The following PIBF1 variants were observed in gnomAD, a reference collection of about 807,000 sequenced individuals.
The protein encoded by PIBF1 is progesterone immunomodulatory binding factor 1.
Under a neutral mutation model 112.5 loss-of-function variants are expected in PIBF1, and 90 were observed. The observed-to-expected ratio is 0.80, with a 90% CI of 0.67 to 0.95. The LOEUF is 0.95. Ranked by LOEUF, PIBF1 falls within the 40% of genes least tolerant of loss-of-function variation. The pLI is 0.00. For missense variants in PIBF1, 915 were observed against 852.3 expected, an observed-to-expected ratio of 1.07 and a Z score of -0.92; for synonymous variants, 301 against 288.6, an observed-to-expected ratio of 1.04 and a Z score of -0.44.
chr13:72,784,289 A>ATAAT (rs1225318541), intron 2 of PIBF1, among the ~76,000 whole-genome samples: 9 of 150,848 alleles, frequency 6.0e-5, no homozygotes, highest in African/African-American at 2.2e-4. Context: ...AAAAAAAAAA[A>ATAAT]AAAAAAATTA....
intron 9 of PIBF1, among the ~76,000 whole-genome samples, chr13:72,839,201 C>A (rs968990333): frequency 6.6e-6 from 1 of 152,046 alleles, no homozygotes; most frequent in African/African-American, 2.4e-5. Flanking sequence ...GATAATGGAA[C>A]TGGATTAGTA....
intron 14 of PIBF1, among the ~76,000 whole-genome samples, chr13:72,942,631 TAGAAG>T (rs1247170625): frequency 3.9e-5 from 6 of 152,202 alleles, no homozygotes; most frequent in African/African-American, 1.4e-4. Context: ...GCTATTTTCA[TAGAAG>T]AGATTAAAAA....
chr13:73,005,090 A>T lies in PIBF1; in HGVS notation c.2223+6095A>T, dbSNP rs7989257. Reference sequence around the variant, plus strand: ...ATCCCGAGGCTGAGGCAGGAGAATCACTTGAACCTGGGAGGGGGAGGTTGT... The same window carrying T: ...ATCCCGAGGCTGAGGCAGGAGAATCTCTTGAACCTGGGAGGGGGAGGTTGT... On this transcript the variant is annotated intron_variant, in intron 17 of 17. Transcript: ENST00000326291. Among the ~76,000 whole-genome samples the T allele has an allele frequency of 1.2e-4, 18 of 152,210 alleles. No homozygotes were observed. In the East Asian group the frequency reaches 3.5e-3, roughly 29 times the overall value.
intron 9 of PIBF1, among the ~76,000 whole-genome samples, chr13:72,844,266 T>A (rs1301585613): frequency 6.6e-6 from 1 of 152,220 alleles, no homozygotes; most frequent in African/African-American, 2.4e-5. Context: ...AACTGGTCAG[T>A]GCTATGTAAA....
At chr13:72,910,227 T>C (rs2040848466) in intron 12 of PIBF1, among the ~76,000 whole-genome samples, 1 of 152,198 alleles carries the variant, frequency 6.6e-6, no homozygotes, top group Non-Finnish European at 1.5e-5. Context: ...ATTTCTTCAC[T>C]GGAGTCAAAG....
intron 10 of PIBF1, among the ~76,000 whole-genome samples, chr13:72,883,947 C>A (rs182333329): frequency 7.2e-5 from 11 of 152,224 alleles, no homozygotes; most frequent in Admixed American, 6.5e-5. Context: ...TACACACATA[C>A]ATACATACAT....
intron 13 of PIBF1, among the ~76,000 whole-genome samples, chr13:72,921,848 T>C (rs1351850141): frequency 6.6e-6 from 1 of 151,804 alleles, no homozygotes; most frequent in African/African-American, 2.4e-5. Context: ...TAGTTAATTT[T>C]AGAGGAAAAG....
intron 17 of PIBF1, among the ~76,000 whole-genome samples, chr13:73,004,292 AC>A (rs2043961891): frequency 6.6e-6 from 1 of 152,058 alleles, no homozygotes; most frequent in Non-Finnish European, 1.5e-5. Flanking sequence ...GGAGTTTGAG[AC>A]CATCCTGGCC....
chr13:73,002,200 A>C (rs2043892429), intron 17 of PIBF1, among the ~76,000 whole-genome samples: 1 of 152,202 alleles, frequency 6.6e-6, no homozygotes, highest in Non-Finnish European at 1.5e-5. Context: ...GAAGAGAAAA[A>C]AAGGAGTTAT....
chr13:72,914,541 A>G (rs2041015600), intron 12 of PIBF1, among the ~76,000 whole-genome samples: 1 of 152,076 alleles, frequency 6.6e-6, no homozygotes, highest in Non-Finnish European at 1.5e-5. Context: ...TAACTTCTGG[A>G]TAATCTTTTC....
chr13:73,008,863 C>G (rs2044115522), intron 17 of PIBF1, among the ~76,000 whole-genome samples: 1 of 152,166 alleles, frequency 6.6e-6, no homozygotes, highest in Admixed American at 6.5e-5. Flanking sequence ...GCTGAAGATA[C>G]AACATGAGAT....
chr13:72,803,265 T>G (rs1260036336), intron 5 of PIBF1, among the ~76,000 whole-genome samples: 1 of 132,208 alleles, frequency 7.6e-6, no homozygotes, highest in African/African-American at 3.5e-5. Context: ...TTTTTTGTTT[T>G]TTGTTTTTTT....
chr13:72,809,723 G>A (rs557640693), intron 5 of PIBF1, among the ~76,000 whole-genome samples: 26 of 151,442 alleles, frequency 1.7e-4, no homozygotes, highest in Admixed American at 4.0e-4. Flanking sequence ...CCGAGTAGCC[G>A]GGAGTACAGG....
At position 72,813,977 on chromosome 13, in the gene PIBF1, T is replaced by A. The variant is rs995360110; in HGVS notation, c.673-7872T>A. Among the ~76,000 whole-genome samples, 10 of 152,264 alleles carry A rather than the reference T, an allele frequency of 6.6e-5. No individual in the cohort carries two copies. The South Asian group carries it at 2.1e-3, about 32-fold the overall frequency. On this transcript the variant is annotated intron_variant, in intron 5 of 17. Coordinates refer to ENST00000326291, the MANE Select transcript of PIBF1 (RefSeq NM_006346.4). ...CGGCCTATAAAAATCTATGGATTAC[T>A]CCCTTCACTCCTCACCCCAAATAAG...
intron 17 of PIBF1, among the ~76,000 whole-genome samples, chr13:73,013,731 C>CAAAA (rs113104076): frequency 1.0e-3 from 114 of 113,042 alleles, no homozygotes; most frequent in Non-Finnish European, 1.6e-3. Flanking sequence ...GAGCCTATCT[C>CAAAA]AAAAAAAAAA....
chr13:72,856,454 T>C lies in PIBF1; in HGVS notation c.1322+2299T>C, dbSNP rs186928628. Among the ~76,000 whole-genome samples the C allele has an allele frequency of 2.9e-3, 436 of 152,292 alleles. 1 individual carries two copies. The highest frequency in any genetic ancestry group is 4.8e-3 in the Non-Finnish European group (324 of 68,004). Reference sequence around the variant, plus strand: ...CCAATTTTCAGCCAACCTTAAATATTTGTGATAGTTTTAAAATCAAGACAA... The same window carrying C: ...CCAATTTTCAGCCAACCTTAAATATCTGTGATAGTTTTAAAATCAAGACAA... On this transcript the variant is annotated intron_variant, in intron 10 of 17. Transcript: ENST00000326291.
Position 72,899,114 on chromosome 13 carries a change from C to T in PIBF1, c.1488+5165C>T, listed in dbSNP as rs369365591. On this transcript the variant is annotated intron_variant, in intron 11 of 17. Transcript: ENST00000326291. ...CCCTAAAAAGACCAATAACAAGCAG[C>T]GAGATTGAAACGGTAATTTAAAAAT... 7.9e-5 allele frequency among the ~76,000 whole-genome samples: 12 copies of T among 151,960 alleles called. No individual in the cohort carries two copies. In the East Asian group the frequency reaches 1.4e-3, roughly 17 times the overall value.
intron 16 of PIBF1, among the ~76,000 whole-genome samples, chr13:72,993,099 C>G (rs773483995): frequency 6.6e-6 from 1 of 152,020 alleles, no homozygotes; most frequent in Non-Finnish European, 1.5e-5. Flanking sequence ...TTTGAGAGGC[C>G]AAGGCAAGTG....
At chr13:72,805,698 C>T (rs1319082776) in intron 5 of PIBF1, among the ~76,000 whole-genome samples, 3 of 152,128 alleles carry the variant, frequency 2.0e-5, no homozygotes, top group Non-Finnish European at 4.4e-5. Context: ...AAGGATGAAC[C>T]TGAAACTGCA....
Sources: gnomAD v4.1 joint callset for allele counts (sites outside exome capture counted in the v4.1 genomes callset) on GRCh38, gnomAD v4.1.1 for gene constraint, MANE v1.5 for transcripts, NCBI Gene and HGNC (gene_info 2026-07-23, HGNC 2026-07-21) for gene names.